MAN1A2: variants seen among roughly 807,000 people sequenced by gnomAD.
MAN1A2 encodes the protein mannosyl-oligosaccharide 1,2-alpha-mannosidase IB.
MAN1A2 carries 26 observed loss-of-function variants against 75.7 expected under a neutral mutation model. That is an observed-to-expected ratio of 0.34 (90% CI 0.25 to 0.48). MAN1A2 has a LOEUF of 0.48. Ranked by LOEUF, MAN1A2 falls within the 20% of genes least tolerant of loss-of-function variation. The pLI, the probability that MAN1A2 is intolerant of heterozygous loss-of-function variation, is 0.99. For missense variants in MAN1A2, 562 were observed against 775.5 expected (o/e 0.72, Z 3.27); for synonymous variants, 247 against 264.6 (o/e 0.93, Z 0.65).
intron 3 of MAN1A2, among the ~76,000 whole-genome samples, chr1:117,408,600 C>A (rs1266968625): frequency 1.3e-5 from 2 of 151,990 alleles, no homozygotes; most frequent in African/African-American, 4.8e-5. Flanking sequence ...CTGCTCTGTA[C>A]TTTTCTTGTA....
intron 1 of MAN1A2, among the ~76,000 whole-genome samples, chr1:117,388,172 AAG>A (rs145841958): frequency 0.11 from 17,109 of 152,084 alleles, 1,045 homozygotes; most frequent in Non-Finnish European, 0.14. Flanking sequence ...GCCGGACAGA[AAG>A]GAAAGATGTG....
chr1:117,408,896 G>A (rs1034502571), intron 3 of MAN1A2, among the ~76,000 whole-genome samples: 2 of 151,922 alleles, frequency 1.3e-5, no homozygotes, highest in Non-Finnish European at 1.5e-5. Context: ...TAATTGGTCT[G>A]GTTTTATCTA....
chr1:117,457,869 T>C (rs1451889415), intron 6 of MAN1A2, among the ~76,000 whole-genome samples: 2 of 152,184 alleles, frequency 1.3e-5, no homozygotes, highest in African/African-American at 2.4e-5. Flanking sequence ...AACCTCATCC[T>C]GTGTCATTCA....
At chr1:117,412,455 C>G (rs1212199005) in intron 3 of MAN1A2, among the ~76,000 whole-genome samples, 1 of 151,472 alleles carries the variant, frequency 6.6e-6, no homozygotes, top group Non-Finnish European at 1.5e-5. Flanking sequence ...TTTATTATTT[C>G]AATAATTTTC....
rs1045569074 is a variant in MAN1A2 at position 117,501,155 on chromosome 1, G to A, written c.1677+1601G>A. Among the ~76,000 whole-genome samples, 42 of 151,752 alleles carry A rather than the reference G, an allele frequency of 2.8e-4. No individual in the cohort carries two copies. The Admixed American group carries it at 2.8e-3, about 10-fold the overall frequency. On this transcript the variant is annotated intron_variant, in intron 11 of 12. Transcript: ENST00000356554. ...GTCTGTTAAGGAGAGGTGTGACAGG[G>A]TCAAACTTTAGCCCATGTCTGTCTA...
intron 9 of MAN1A2, chr1:117,493,956 A>C (rs1215011520): frequency 2.0e-5 from 3 of 152,110 alleles, no homozygotes; most frequent in Non-Finnish European, 1.5e-5. Flanking sequence ...CTTATGGGTA[A>C]ATACTTAAAT....
In MAN1A2 at chr1:117,454,460, C is replaced by T. The variant is rs76952763; in HGVS notation, c.951-6029C>T. 9.7e-3 allele frequency among the ~76,000 whole-genome samples: 1,482 copies of T among 152,228 alleles called. 25 individuals carry two copies. Among genetic ancestry groups the T allele is most frequent in the Middle Eastern group, 0.02 (6 of 294 alleles). On this transcript the variant is annotated intron_variant, in intron 6 of 12. Transcript: ENST00000356554. ...TAAGCAATACAATCCAGAAAACAAT[C>T]GAATCCATCTTGAAAGTGTTGAAAG...
At chr1:117,384,985 G>A (rs761614012) in intron 1 of MAN1A2, among the ~76,000 whole-genome samples, 6 of 152,122 alleles carry the variant, frequency 3.9e-5, no homozygotes, top group Admixed American at 6.5e-5. Context: ...AGTGGATTTG[G>A]AATTGAAAAT....
chr1:117,509,188 T>A (rs1651459315), intron 12 of MAN1A2, among the ~76,000 whole-genome samples: 3 of 151,804 alleles, frequency 2.0e-5, no homozygotes, highest in Non-Finnish European at 2.9e-5. Context: ...AAAACATTTC[T>A]TAAAATTAGA....
chr1:117,474,201 A>G (rs535069812), intron 8 of MAN1A2, among the ~76,000 whole-genome samples: 20 of 152,126 alleles, frequency 1.3e-4, no homozygotes, highest in African/African-American at 4.8e-4. Flanking sequence ...TTGAGAATAT[A>G]TATATGTATA....
intron 7 of MAN1A2, among the ~76,000 whole-genome samples, chr1:117,462,273 A>G (rs1390318095): frequency 6.6e-6 from 1 of 152,202 alleles, no homozygotes; most frequent in East Asian, 1.9e-4. Flanking sequence ...TTGTATACGT[A>G]GAAGCATTGT....
chr1:117,397,900 C>A (rs987785140), intron 1 of MAN1A2, among the ~76,000 whole-genome samples: 1 of 152,078 alleles, frequency 6.6e-6, no homozygotes, highest in Non-Finnish European at 1.5e-5. Flanking sequence ...GATCCACCCG[C>A]CTTAGCCTCC....
chr1:117,482,334 A>G (rs1371918256), intron 8 of MAN1A2, among the ~76,000 whole-genome samples: 2 of 151,984 alleles, frequency 1.3e-5, no homozygotes, highest in Admixed American at 6.6e-5. Flanking sequence ...ACTCCCACCA[A>G]CAGTGTAAAA....
chr1:117,477,704 A>T (rs7537608), intron 8 of MAN1A2, among the ~76,000 whole-genome samples: 15 of 152,058 alleles, frequency 9.9e-5, no homozygotes, highest in Admixed American at 9.8e-4. Context: ...AACTGGAAGC[A>T]TTCCCTTTGA....
rs565348341 is a variant in MAN1A2 at position 117,446,836 on chromosome 1, A to G, written c.950+4511A>G. On this transcript the variant is annotated intron_variant, in intron 6 of 12. Coordinates refer to ENST00000356554, the MANE Select transcript of MAN1A2 (RefSeq NM_006699.5). Reference sequence around the variant, plus strand: ...ATATCTTTCCAGATTTTTTTTTGGTATAATTGTTTTATGCATTCCTGAAAC... The same window carrying G: ...ATATCTTTCCAGATTTTTTTTTGGTGTAATTGTTTTATGCATTCCTGAAAC... Among the ~76,000 whole-genome samples, 6 of 151,980 alleles carry G rather than the reference A, an allele frequency of 3.9e-5. No homozygotes were observed. The South Asian group carries it at 8.3e-4, about 21-fold the overall frequency.
At position 117,526,086 on chromosome 1, in the gene MAN1A2, G is replaced by T. The variant is rs969760070; in HGVS notation, c.*3129G>T. On this transcript the variant is annotated 3_prime_UTR_variant, in exon 13 of 13. Transcript: ENST00000356554. Reference sequence around the variant, plus strand: ...CCTCTCATCTTCTCCACTCTCCATTGCCAAAGTCTTTGTCAAAACTCCAAA... The same window carrying T: ...CCTCTCATCTTCTCCACTCTCCATTTCCAAAGTCTTTGTCAAAACTCCAAA... 6.6e-6 allele frequency: 1 copy of T among 151,710 alleles called. No homozygotes were observed. The highest frequency in any genetic ancestry group is 2.1e-4 in the South Asian group (1 of 4,822). 9.4% of individuals were successfully genotyped at this position (151,710 alleles called of 1,614,324 possible). A position where few individuals can be genotyped will look rare whatever the true frequency, so the allele number is the denominator to read the frequency against.
intron 3 of MAN1A2, among the ~76,000 whole-genome samples, chr1:117,413,961 A>C (rs1647903446): frequency 6.6e-6 from 1 of 151,836 alleles, no homozygotes; most frequent in Non-Finnish European, 1.5e-5. Flanking sequence ...TCTTCTCTTA[A>C]GTTTTCATTA....
intron 5 of MAN1A2, among the ~76,000 whole-genome samples, chr1:117,422,506 T>C (rs900765751): frequency 1.3e-5 from 2 of 152,130 alleles, no homozygotes; most frequent in African/African-American, 2.4e-5. Flanking sequence ...AGTCAAAGGT[T>C]AAGTGTATAT....
chr1:117,391,800 C>T lies in MAN1A2; in HGVS notation c.303-10386C>T, dbSNP rs530583757. ...TCTCTTTCTCACTCCTTCCCTTTATCCCAAATCACCCTTTCTTTCTTTGTT... is the reference window on the plus strand; with the variant it reads ...TCTCTTTCTCACTCCTTCCCTTTATTCCAAATCACCCTTTCTTTCTTTGTT... On this transcript the variant is annotated intron_variant, in intron 1 of 12. Coordinates refer to ENST00000356554, the MANE Select transcript of MAN1A2 (RefSeq NM_006699.5). Among the ~76,000 whole-genome samples the T allele has an allele frequency of 5.3e-5, 8 of 152,284 alleles. No individual in the cohort carries two copies. The South Asian group carries it at 1.5e-3, about 28-fold the overall frequency.
Sources: allele counts gnomAD v4.1 joint callset (sites outside exome capture counted in the v4.1 genomes callset), GRCh38; gene constraint gnomAD v4.1.1; transcripts MANE v1.5; gene names NCBI Gene and HGNC (gene_info 2026-07-23, HGNC 2026-07-21).